Variants in NVL observed in about 807,000 individuals in gnomAD.
The protein encoded by NVL is nuclear valosin-containing protein-like.
NVL carries 84 observed loss-of-function variants against 110.2 expected under a neutral mutation model. The ratio of observed to expected loss-of-function variants is 0.76; its 90% CI spans 0.64 to 0.91. The LOEUF (loss-of-function observed/expected upper bound fraction) is 0.91. Among genes scored for constraint, NVL ranks in the 40% least tolerant of loss-of-function variants. The pLI is 0.00. For synonymous variants in NVL, 354 were observed against 361.1 expected, an observed-to-expected ratio of 0.98 and a Z score of 0.22; for missense variants, 882 against 1,035.9, an observed-to-expected ratio of 0.85 and a Z score of 2.04.
chr1:224,281,831 T>C (rs953487967), intron 15 of NVL, among the ~76,000 whole-genome samples: 1 of 150,722 alleles, frequency 6.6e-6, no homozygotes, highest in Non-Finnish European at 1.5e-5. Flanking sequence ...CATGTACCTA[T>C]AGTCTCAGCT....
At chr1:224,291,827 C>A (rs1667408392) in intron 12 of NVL, among the ~76,000 whole-genome samples, 1 of 152,148 alleles carries the variant, frequency 6.6e-6, no homozygotes, top group Admixed American at 6.5e-5. Context: ...AAATGGCTAA[C>A]AGAAAATAAT....
At position 224,275,448 on chromosome 1, in the gene NVL, T is replaced by C; in HGVS notation, c.1973A>G (p.Glu658Gly). 6.2e-7 allele frequency: 1 copy of C among 1,614,148 alleles called. No individual in the cohort carries two copies. Among genetic ancestry groups the C allele is most frequent in the Non-Finnish European group, 8.5e-7 (1 of 1,180,028 alleles). The part of the protein sequence containing the change: ...GPELLNMYVG[E>G]SERAVRQVFQ... ...AACTTGTCGCACAGCACGTTCACTC[T>C]CACCAACATACTAAACATACACAGA... Residue 658 changes from glutamate (E) to glycine (G), a missense_variant, in exon 17 of 23, where the codon GAG becomes GGG. Transcript: ENST00000281701.
intron 21 of NVL, 145 bp from the exon 22 acceptor site, chr1:224,231,441 A>T: frequency 1.6e-6 from 1 of 631,182 alleles, no homozygotes; most frequent in Non-Finnish European, 2.8e-6. Context: ...TTTTCAGAAC[A>T]GTATTCTAGC....
In NVL at chr1:224,236,561, C is replaced by T. The variant is rs1366701836; in HGVS notation, c.2311G>A (p.Asp771Asn). ...ATTGCTTCCAAATTTACATCTGCAT[C>T]CAGTGGTGGTTTGGTACCATTCTAA... Reference protein sequence around the residue: ...ITKNGTKPPLDADVNLEAIAG... With the variant: ...ITKNGTKPPLNADVNLEAIAG... Residue 771 changes from aspartate (D) to asparagine (N), a missense_variant, in exon 20 of 23, where the codon GAT becomes AAT. By Grantham distance (23) the Asp-to-Asn change is conservative. This residue lies in a region of NVL where 126 missense variants were observed against 140.7 expected (regional missense o/e 0.90). Transcript: ENST00000281701. 1.9e-6 allele frequency: 3 copies of T among 1,613,856 alleles called. No homozygotes were observed. Among genetic ancestry groups the T allele is most frequent in the Non-Finnish European group, 2.5e-6 (3 of 1,179,770 alleles).
chr1:224,272,581 G>A (rs1665239862), intron 17 of NVL, among the ~76,000 whole-genome samples: 1 of 151,738 alleles, frequency 6.6e-6, no homozygotes, highest in Admixed American at 6.6e-5. Context: ...GCCAGGTGTG[G>A]TGGCACACAT....
intron 18 of NVL, among the ~76,000 whole-genome samples, chr1:224,258,578 A>G (rs1170294854): frequency 6.6e-6 from 1 of 152,170 alleles, no homozygotes; most frequent in Non-Finnish European, 1.5e-5. Context: ...ACATATGTCC[A>G]TACAAAAATG....
At chr1:224,242,684 T>G (rs1360158262) in intron 19 of NVL, among the ~76,000 whole-genome samples, 4 of 151,918 alleles carry the variant, frequency 2.6e-5, no homozygotes, top group Non-Finnish European at 5.9e-5. Flanking sequence ...GTCAAGCTGG[T>G]CTCAAACTCC....
intron 11 of NVL, among the ~76,000 whole-genome samples, chr1:224,294,719 A>G (rs1667712083): frequency 1.3e-5 from 2 of 152,206 alleles, no homozygotes; most frequent in South Asian, 4.1e-4. Flanking sequence ...ATAAGAGAAA[A>G]GACATCATGA....
Position 224,229,070 on chromosome 1 carries a change from C to G in NVL, c.2527-1400G>C, listed in dbSNP as rs150285840. ...AGCACTTTGGGAGGCTGAGGCGGGC[C>G]AATCACCTGAGGTTGGGAGTTGGAG... On this transcript the variant is annotated intron_variant, in intron 22 of 22. Transcript: ENST00000281701. 7.9e-3 allele frequency among the ~76,000 whole-genome samples: 1,198 copies of G among 151,584 alleles called. 16 individuals are homozygous for G. Among genetic ancestry groups the G allele is most frequent in the African/African-American group, 0.027 (1,128 of 41,366 alleles).
At chr1:224,241,616 G>C (rs1024949746) in intron 19 of NVL, among the ~76,000 whole-genome samples, 1 of 152,134 alleles carries the variant, frequency 6.6e-6, no homozygotes, top group Admixed American at 6.6e-5. Context: ...AGCACTTTGG[G>C]AGGCCGAGGC....
At chr1:224,264,621 G>A (rs1041131234) in intron 18 of NVL, among the ~76,000 whole-genome samples, 1 of 152,168 alleles carries the variant, frequency 6.6e-6, no homozygotes, top group African/African-American at 2.4e-5. Context: ...AGCAAGAAGG[G>A]AATTCTTAAA....
intron 14 of NVL, 90 bp from the exon 15 acceptor site, chr1:224,286,220 T>G (rs940160597): frequency 2.9e-6 from 3 of 1,046,386 alleles, no homozygotes; most frequent in East Asian, 2.6e-5. Context: ...TTATGGTTTT[T>G]TTTTTTTTTT....
chr1:224,293,775 C>T (rs1284329956), intron 12 of NVL, among the ~76,000 whole-genome samples: 2 of 152,174 alleles, frequency 1.3e-5, no homozygotes, highest in Non-Finnish European at 2.9e-5. Context: ...TCTGAAAAAA[C>T]AACCTGAAAC....
In NVL at chr1:224,258,808, C is replaced by T. The variant is rs553052648; in HGVS notation, c.2183-8490G>A. ...TTAAGAGCCCTCATATTGTATAATGCTATTTACATAAAATATCCAGAATAG... is the reference window on the plus strand; with the variant it reads ...TTAAGAGCCCTCATATTGTATAATGTTATTTACATAAAATATCCAGAATAG... On this transcript the variant is annotated intron_variant, in intron 18 of 22. Transcript: ENST00000281701. Among the ~76,000 whole-genome samples the T allele has an allele frequency of 2.6e-5, 4 of 151,754 alleles. No individual in the cohort carries two copies. In the South Asian group the frequency reaches 8.3e-4, roughly 32 times the overall value.
At chr1:224,316,617 G>A (rs2102762166) in intron 4 of NVL, among the ~76,000 whole-genome samples, 1 of 146,252 alleles carries the variant, frequency 6.8e-6, no homozygotes, top group East Asian at 2.0e-4. Flanking sequence ...GCTGCAATGA[G>A]CTGTGATCGC....
At chr1:224,233,064 C>A in intron 21 of NVL, 137 bp downstream of exon 21, 1 of 627,108 alleles carries the variant, frequency 1.6e-6, no homozygotes. Context: ...TATTTCAGAA[C>A]AGCTTCTAAC....
chr1:224,268,465 G>A (rs913995351), intron 17 of NVL, among the ~76,000 whole-genome samples: 1 of 152,078 alleles, frequency 6.6e-6, no homozygotes, highest in African/African-American at 2.4e-5. Flanking sequence ...AGATCTAACC[G>A]TCACAATACA....
intron 1 of NVL, among the ~76,000 whole-genome samples, chr1:224,327,925 G>T (rs887881455): frequency 1.3e-5 from 2 of 151,874 alleles, no homozygotes; most frequent in Non-Finnish European, 2.9e-5. Flanking sequence ...GTTTGAGAAG[G>T]TCTGTGTGGC....
In NVL at chr1:224,305,029, C is replaced by G. The variant is rs1181148263; in HGVS notation, c.748+5G>C. 1 of 1,612,398 alleles carries G rather than the reference C, an allele frequency of 6.2e-7. No homozygotes were observed. Among genetic ancestry groups the G allele is most frequent in the Non-Finnish European group, 8.5e-7 (1 of 1,179,470 alleles). On this transcript the variant is annotated splice_donor_5th_base_variant and intron_variant, in intron 7 of 22. Transcript: ENST00000281701. ...CCACTGCCACCAACAAGACTCACAC[C>G]TTACCTTTCTTTTGCAGGACAGCTT...
Sources: gnomAD v4.1 joint callset for allele counts (sites outside exome capture counted in the v4.1 genomes callset) on GRCh38, gnomAD v4.1.1 for gene constraint, gnomAD v4.1.1 regional missense constraint, MANE v1.5 for transcripts, NCBI Gene and HGNC (gene_info 2026-07-23, HGNC 2026-07-21) for gene names.